The following TPST1 variants were observed in gnomAD, a reference collection of about 807,000 sequenced individuals.
TPST1 encodes protein-tyrosine sulfotransferase 1.
Under a neutral mutation model 34.8 loss-of-function variants are expected in TPST1, and 20 were observed. The ratio of observed to expected loss-of-function variants is 0.57; its 90% CI spans 0.40 to 0.84. The LOEUF is 0.84. Among genes scored for constraint, TPST1 ranks in the 40% least tolerant of loss-of-function variants. The pLI, the probability that TPST1 is intolerant of heterozygous loss-of-function variation, is 0.00. For synonymous variants in TPST1, 152 were observed against 159.4 expected (o/e 0.95, Z 0.35); for missense variants, 353 against 455.5 (o/e 0.78, Z 2.05).
intron 3 of TPST1, among the ~76,000 whole-genome samples, chr7:66,339,599 C>T (rs1287893278): frequency 6.6e-6 from 1 of 151,800 alleles, no homozygotes; most frequent in East Asian, 1.9e-4. Context: ...TGCAAAAATC[C>T]TCAACAAAAT....
At chr7:66,351,671 CAAA>C (rs749188820) in intron 3 of TPST1, among the ~76,000 whole-genome samples, 1 of 111,974 alleles carries the variant, frequency 8.9e-6, no homozygotes. Context: ...CCCTCCCCTC[CAAA>C]AAAAAAAAAA....
At chr7:66,229,577 T>A (rs1789735187) in intron 1 of TPST1, among the ~76,000 whole-genome samples, 1 of 152,240 alleles carries the variant, frequency 6.6e-6, no homozygotes, top group Non-Finnish European at 1.5e-5. Context: ...TGATTATGAC[T>A]AGAGCTGCTA....
At chr7:66,216,761 C>A (rs1308834351) in intron 1 of TPST1, among the ~76,000 whole-genome samples, 2 of 152,216 alleles carry the variant, frequency 1.3e-5, no homozygotes, top group South Asian at 2.1e-4. Context: ...AGCCATTGCA[C>A]CCAGCCCTGT....
chr7:66,277,848 G>A (rs1304442282), intron 2 of TPST1, among the ~76,000 whole-genome samples: 2 of 151,928 alleles, frequency 1.3e-5, no homozygotes, highest in African/African-American at 2.4e-5. Context: ...GGACCTATTA[G>A]AAGAATGTTG....
Position 66,346,683 on chromosome 7 carries a change from G to A in TPST1, c.1045-5822G>A, listed in dbSNP as rs112688406. 5.6e-3 allele frequency among the ~76,000 whole-genome samples: 847 copies of A among 152,052 alleles called. 11 individuals carry two copies. The highest frequency in any genetic ancestry group is 0.019 in the African/African-American group (778 of 41,502). On this transcript the variant is annotated intron_variant, in intron 3 of 5. Transcript: ENST00000304842. ...TTGCCCATTTTTTATTGTATTATTC[G>A]ATTTTTTATTGACTTGTTTGAGCTC...
At position 66,240,336 on chromosome 7, in the gene TPST1, C is replaced by T. The variant is rs781665514; in HGVS notation, c.-90C>T. 7.2e-4 allele frequency: 1,053 copies of T among 1,454,052 alleles called. 7 individuals carry two copies. The highest frequency in any genetic ancestry group is 5.4e-4 in the Non-Finnish European group (587 of 1,092,020). The allele number at this position is 1,454,052 out of a possible 1,614,324, so 90.1% of individuals were successfully genotyped here. ...CCTTTCTCTACTAGATGTTGGTTATCTTTCTGAAGTAGACTGTCCATGGCC... is the reference window on the plus strand; with the variant it reads ...CCTTTCTCTACTAGATGTTGGTTATTTTTCTGAAGTAGACTGTCCATGGCC... On this transcript the variant is annotated 5_prime_UTR_variant, in exon 2 of 6. Transcript: ENST00000304842.
intron 3 of TPST1, among the ~76,000 whole-genome samples, chr7:66,339,120 G>T (rs539279050): frequency 2.0e-5 from 3 of 151,304 alleles, no homozygotes; most frequent in African/African-American, 7.3e-5. Context: ...GGTGGTGGGT[G>T]GGGGGAGAGA....
chr7:66,239,023 T>C (rs1789969722), intron 1 of TPST1, among the ~76,000 whole-genome samples: 1 of 152,268 alleles, frequency 6.6e-6, no homozygotes, highest in Admixed American at 6.5e-5. Context: ...CAGATACTTA[T>C]ACATACAATT....
At chr7:66,279,177 T>C (rs1056342629) in intron 2 of TPST1, among the ~76,000 whole-genome samples, 1 of 152,240 alleles carries the variant, frequency 6.6e-6, no homozygotes, top group Non-Finnish European at 1.5e-5. Context: ...AGTGAGAACA[T>C]GCAGTATTTG....
intron 3 of TPST1, among the ~76,000 whole-genome samples, chr7:66,324,125 C>G (rs574313015): frequency 6.6e-6 from 1 of 152,354 alleles, no homozygotes; most frequent in Admixed American, 6.5e-5. Context: ...CTTCAAGACA[C>G]TGTGCTGGGT....
intron 2 of TPST1, among the ~76,000 whole-genome samples, chr7:66,268,921 G>A (rs369041500): frequency 5.3e-4 from 81 of 152,280 alleles, no homozygotes; most frequent in African/African-American, 1.8e-3. Flanking sequence ...GACTTCAGGT[G>A]ATCCGCCTGC....
chr7:66,236,369 T>C (rs1789912780), intron 1 of TPST1, among the ~76,000 whole-genome samples: 1 of 152,206 alleles, frequency 6.6e-6, no homozygotes, highest in African/African-American at 2.4e-5. Context: ...AAATTTGCCT[T>C]GTCATTTAAA....
chr7:66,307,036 A>C (rs534848247), intron 3 of TPST1, among the ~76,000 whole-genome samples: 1 of 150,824 alleles, frequency 6.6e-6, no homozygotes, highest in Non-Finnish European at 1.5e-5. Flanking sequence ...ATTTTTTAAA[A>C]GTTTGCTCAA....
At chr7:66,304,931 C>T (rs1029370976) in intron 3 of TPST1, among the ~76,000 whole-genome samples, 3 of 152,014 alleles carry the variant, frequency 2.0e-5, no homozygotes, top group Non-Finnish European at 4.4e-5. Context: ...GATCCGCCTG[C>T]CTTAGCTTCT....
At chr7:66,264,336 G>T (rs1019392623) in intron 2 of TPST1, among the ~76,000 whole-genome samples, 10 of 152,154 alleles carry the variant, frequency 6.6e-5, no homozygotes, top group African/African-American at 2.4e-4. Context: ...AATGTAGAAG[G>T]CCACATGCTT....
chr7:66,286,449 T>G (rs1269092626), intron 2 of TPST1, 62 bp from the exon 3 acceptor site: 7 of 1,287,738 alleles, frequency 5.4e-6, no homozygotes, highest in Non-Finnish European at 3.0e-6. Flanking sequence ...TTATAGTGGT[T>G]TTAAAGCATG....
chr7:66,285,004 T>C (rs1452915631), intron 2 of TPST1, among the ~76,000 whole-genome samples: 1 of 152,170 alleles, frequency 6.6e-6, no homozygotes, highest in African/African-American at 2.4e-5. Context: ...TGAATGCTAA[T>C]AATAATACTT....
At chr7:66,230,721 A>G (rs1249507103) in intron 1 of TPST1, among the ~76,000 whole-genome samples, 6 of 152,142 alleles carry the variant, frequency 3.9e-5, no homozygotes, top group Non-Finnish European at 5.9e-5. Context: ...AAGCTTCCAC[A>G]GTGTGGAAGG....
chr7:66,323,472 ATG>A (rs1791799273), intron 3 of TPST1, among the ~76,000 whole-genome samples: 1 of 152,064 alleles, frequency 6.6e-6, no homozygotes, highest in African/African-American at 2.4e-5. Flanking sequence ...TATTGAGATG[ATG>A]TGTTTTTCTT....
Sources: gnomAD v4.1 joint callset for allele counts (sites outside exome capture counted in the v4.1 genomes callset) on GRCh38, gnomAD v4.1.1 for gene constraint, MANE v1.5 for transcripts, NCBI Gene and HGNC (gene_info 2026-07-23, HGNC 2026-07-21) for gene names.